The following MLXIP variants were observed in gnomAD, a reference collection of about 807,000 sequenced individuals.
MLXIP encodes the protein MLX-interacting protein.
A neutral mutation model predicts 87.2 loss-of-function variants in MLXIP; 30 were observed. The ratio of observed to expected loss-of-function variants is 0.34; its 90% CI spans 0.26 to 0.47. MLXIP has a LOEUF of 0.47. Ranked by LOEUF, MLXIP falls within the 20% of genes least tolerant of loss-of-function variation. The probability of loss-of-function intolerance (pLI) is 1.00; values close to 1 mark genes in which losing one functional copy is unlikely to be tolerated. For missense variants in MLXIP, 1,002 were observed against 1,240.1 expected, an observed-to-expected ratio of 0.81 and a Z score of 2.88; for synonymous variants, 530 against 514.0, an observed-to-expected ratio of 1.03 and a Z score of -0.42.
intron 9 of MLXIP, chr12:122,134,337 G>A: frequency 3.3e-6 from 1 of 299,376 alleles, no homozygotes; most frequent in Non-Finnish European, 6.2e-6. Flanking sequence ...TGGGATTACA[G>A]GTGTGCGCCA....
chr12:122,091,900 G>C (rs184310575), intron 1 of MLXIP, among the ~76,000 whole-genome samples: 3 of 152,298 alleles, frequency 2.0e-5, no homozygotes, highest in African/African-American at 7.2e-5. Flanking sequence ...AAAACTGGAG[G>C]AAATCTGGAT....
chr12:122,127,691 C>T (rs760231512), intron 2 of MLXIP, among the ~76,000 whole-genome samples, 192 bp from the exon 3 acceptor site: 7 of 152,162 alleles, frequency 4.6e-5, no homozygotes, highest in East Asian at 1.9e-4. Context: ...CTGACTGAGG[C>T]GTTCGTTATT....
Position 122,141,175 on chromosome 12 carries a change from GC to G in MLXIP, c.2638+93del. The G allele has an allele frequency of 4.8e-6, 7 of 1,471,342 alleles. No individual in the cohort carries two copies. In the South Asian group the frequency reaches 9.4e-5, roughly 20 times the overall value. The allele number at this position is 1,471,342 out of a possible 1,614,324, so 91.1% of individuals were successfully genotyped here. On this transcript the variant is annotated intron_variant, in intron 16 of 16. Transcript: ENST00000319080. ...AGGACAGTATTAGCCAGACTCCACT[GC>G]AGGCAGCCAGGTGGGGCCGGGGCAG... is the stretch of plus-strand genomic sequence containing the variant.
intron 1 of MLXIP, among the ~76,000 whole-genome samples, chr12:122,112,505 G>A (rs765105203): frequency 3.9e-5 from 6 of 152,092 alleles, no homozygotes; most frequent in Non-Finnish European, 7.4e-5. Context: ...ATAGCCGGAC[G>A]TGGTGGTGGC....
chr12:122,085,886 T>C (rs562624451), intron 1 of MLXIP, among the ~76,000 whole-genome samples: 2 of 152,288 alleles, frequency 1.3e-5, no homozygotes, highest in Non-Finnish European at 2.9e-5. Flanking sequence ...CTAGGTCATA[T>C]GGCAAAGGCG....
In MLXIP at chr12:122,133,569, TCCCAGC is replaced by T; in HGVS notation, c.1318_1323del (p.Ser440_Pro441del). On this transcript the variant is annotated inframe_deletion, in exon 9 of 17. Transcript: ENST00000319080. The surrounding 1 kb of genome is among the most constrained non-coding windows in gnomAD (Gnocchi z 4.9). ...CTGTCTTCACCATGCCCCTGCTGTCTCCCAGCCCCGCCCCACCGCCCATCTCCCCCG... is the reference window on the plus strand; with the variant it reads ...CTGTCTTCACCATGCCCCTGCTGTCTCCCGCCCCACCGCCCATCTCCCCCG... 6.2e-7 allele frequency: 1 copy of T among 1,604,226 alleles called. No individual in the cohort carries two copies. Among genetic ancestry groups the T allele is most frequent in the Non-Finnish European group, 8.5e-7 (1 of 1,175,760 alleles).
At chr12:122,089,251 G>A (rs181832277) in intron 1 of MLXIP, among the ~76,000 whole-genome samples, 1 of 152,286 alleles carries the variant, frequency 6.6e-6, no homozygotes, top group East Asian at 1.9e-4. Context: ...ATGGTAACCA[G>A]CCCGTTCACA....
rs900662793 is a variant in MLXIP at position 122,133,241 on chromosome 12, C to T, written c.1093-107C>T. 6.7e-6 allele frequency: 9 copies of T among 1,351,412 alleles called. No homozygotes were observed. Among genetic ancestry groups the T allele is most frequent in the Non-Finnish European group, 9.0e-6 (9 of 1,005,360 alleles). 83.7% of individuals were successfully genotyped at this position (1,351,412 alleles called of 1,614,324 possible). A position where few individuals can be genotyped will look rare whatever the true frequency, so the allele number is the denominator to read the frequency against. ...GGACGTGGAGACGTGGCCTTTGTCC[C>T]TCTGTCCCAGCGCCCGGCCTGTGTA... On this transcript the variant is annotated intron_variant, in intron 8 of 16. Transcript: ENST00000319080. This position sits in a 1 kb window ranked among gnomAD's most constrained non-coding sequence, Gnocchi z 4.9.
At chr12:122,129,730 G>A in intron 5 of MLXIP, 101 bp downstream of exon 5, 1 of 1,457,476 alleles carries the variant, frequency 6.9e-7, no homozygotes, top group Non-Finnish European at 9.4e-7. Context: ...CAGGCCATGG[G>A]CCCTCCCTGG....
At chr12:122,098,179 C>G (rs1322846386) in intron 1 of MLXIP, among the ~76,000 whole-genome samples, 1 of 152,186 alleles carries the variant, frequency 6.6e-6, no homozygotes, top group African/African-American at 2.4e-5. Context: ...ATGACTGACC[C>G]TGATTGGTAA....
intron 15 of MLXIP, 26 bp downstream of exon 15, chr12:122,138,964 T>C (rs776883350): frequency 1.2e-6 from 2 of 1,612,948 alleles, no homozygotes; most frequent in Non-Finnish European, 1.7e-6. Context: ...CTTTTTGCTC[T>C]TCCCGGCCCT....
At position 122,142,306 on chromosome 12, in the gene MLXIP, T is replaced by G; in HGVS notation, c.*494T>G. On this transcript the variant is annotated 3_prime_UTR_variant, in exon 17 of 17. Coordinates refer to ENST00000319080, the MANE Select transcript of MLXIP (RefSeq NM_014938.6). ...GGCAGTTGGAAGGCGTCTTTCTTTC[T>G]CCCCTCAACTCTGACAGCACCCAGC... The G allele has an allele frequency of 3.0e-6, 2 of 660,378 alleles. No homozygotes were observed. Among genetic ancestry groups the G allele is most frequent in the Non-Finnish European group, 5.6e-6 (2 of 357,962 alleles). The allele number at this position is 660,378 out of a possible 1,614,324, so 40.9% of individuals were successfully genotyped here. A position where few individuals can be genotyped will look rare whatever the true frequency, so the allele number is the denominator to read the frequency against.
chr12:122,135,661 G>T lies in MLXIP; in HGVS notation c.2027G>T (p.Gly676Val). 1 of 1,497,786 alleles carries T rather than the reference G, an allele frequency of 6.7e-7. No individual in the cohort carries two copies. Among genetic ancestry groups the T allele is most frequent in the Admixed American group, 2.3e-5 (1 of 42,782 alleles). The allele number at this position is 1,497,786 out of a possible 1,614,324, so 92.8% of individuals were successfully genotyped here. A position where few individuals can be genotyped will look rare whatever the true frequency, so the allele number is the denominator to read the frequency against. ...GGCAGCCCCCAGGTCACTGTCACAGGGCCCAGTGAGTGTTCACTCGGCGGG... is the reference window on the plus strand; with the variant it reads ...GGCAGCCCCCAGGTCACTGTCACAGTGCCCAGTGAGTGTTCACTCGGCGGG... ...HGGSPQVTVT[G>V]PSRDCPNSGQ... The change falls in exon 11 of 17, where the codon GGG becomes GTG. Residue 676 changes from glycine to valine, a missense_variant. By Grantham distance (109) the Gly-to-Val change is moderately radical (BLOSUM62 -3). Around this residue, in one of 3 missense-constraint regions of MLXIP, gnomAD observed 746 missense variants for 897.0 expected, o/e 0.83. Transcript: ENST00000319080. This position sits in a 1 kb window ranked among gnomAD's most constrained non-coding sequence, Gnocchi z 5.3.
chr12:122,133,655 C>G lies in MLXIP; in HGVS notation c.1400C>G (p.Thr467Ser). The G allele has an allele frequency of 6.2e-7, 1 of 1,613,552 alleles. No homozygotes were observed. The highest frequency in any genetic ancestry group is 8.5e-7 in the Non-Finnish European group (1 of 1,179,776). The part of the protein sequence containing the change: ...ATALNPPAPP[T>S]FHQPQKFAGV... ...GCCCTGAACCCCCCGGCTCCACCCACCTTCCATCAGCCACAGAAGTTTGCT... is the reference window on the plus strand; with the variant it reads ...GCCCTGAACCCCCCGGCTCCACCCAGCTTCCATCAGCCACAGAAGTTTGCT... The change falls in exon 9 of 17, where the codon ACC becomes AGC. Residue 467 changes from threonine to serine, a missense_variant. Physicochemically the swap from Thr to Ser is moderately conservative, Grantham distance 58. This residue lies in a region of MLXIP where 746 missense variants were observed against 897.0 expected (regional missense o/e 0.83). Coordinates refer to ENST00000319080, the MANE Select transcript of MLXIP (RefSeq NM_014938.6). The surrounding 1 kb of genome is among the most constrained non-coding windows in gnomAD (Gnocchi z 4.9).
chr12:122,107,931 G>T (rs2135936991), intron 1 of MLXIP, among the ~76,000 whole-genome samples: 1 of 152,252 alleles, frequency 6.6e-6, no homozygotes, highest in Middle Eastern at 3.4e-3. Flanking sequence ...GCCCTCTCTG[G>T]CTCTCCCCTG....
intron 1 of MLXIP, among the ~76,000 whole-genome samples, chr12:122,084,919 A>G (rs1384708007): frequency 6.6e-6 from 1 of 152,216 alleles, no homozygotes; most frequent in Non-Finnish European, 1.5e-5. Flanking sequence ...TCATTTTAAA[A>G]AATAAATAAG....
In MLXIP at chr12:122,138,854, T is replaced by C; in HGVS notation, c.2424T>C (p.Val808=). 2 of 1,614,054 alleles carry C rather than the reference T, an allele frequency of 1.2e-6. No individual in the cohort carries two copies. Among genetic ancestry groups the C allele is most frequent in the Non-Finnish European group, 1.7e-6 (2 of 1,179,896 alleles). Residue 808 remains valine, a synonymous_variant, in exon 15 of 17, where the codon GTT becomes GTC. Coordinates refer to ENST00000319080, the MANE Select transcript of MLXIP (RefSeq NM_014938.6). ...QQLLPATGVP[V]TRRQFDHMKD... is the part of the protein sequence containing the mutation. ...TGCTCCCTGCCACGGGAGTCCCCGT[T>C]ACCCGGCGCCAGTTTGATCACATGA...
intron 1 of MLXIP, among the ~76,000 whole-genome samples, chr12:122,085,971 G>A (rs1041854137): frequency 2.0e-5 from 3 of 152,306 alleles, no homozygotes; most frequent in African/African-American, 7.2e-5. Flanking sequence ...GATTATCTGA[G>A]TGAGCCTGGT....
chr12:122,142,167 G>A lies in MLXIP; in HGVS notation c.*355G>A. On this transcript the variant is annotated 3_prime_UTR_variant, in exon 17 of 17. Coordinates refer to ENST00000319080, the MANE Select transcript of MLXIP (RefSeq NM_014938.6). ...CGCCGGTGAGCGGAATCGATGGGATGAGGGTGACAGGGCCTGCTCCTGTCC... is the reference window on the plus strand; with the variant it reads ...CGCCGGTGAGCGGAATCGATGGGATAAGGGTGACAGGGCCTGCTCCTGTCC... 1 of 701,496 alleles carries A rather than the reference G, an allele frequency of 1.4e-6. No individual in the cohort carries two copies. The highest frequency in any genetic ancestry group is 2.6e-6 in the Non-Finnish European group (1 of 384,800). The allele number at this position is 701,496 out of a possible 1,614,324, so 43.5% of individuals were successfully genotyped here. A position where few individuals can be genotyped will look rare whatever the true frequency, so the allele number is the denominator to read the frequency against.
Sources: gnomAD v4.1 joint callset for allele counts (sites outside exome capture counted in the v4.1 genomes callset) on GRCh38, gnomAD v4.1.1 for gene constraint, gnomAD v4.1.1 regional missense constraint, Gnocchi (gnomAD v3.1) non-coding constraint, MANE v1.5 for transcripts, NCBI Gene and HGNC (gene_info 2026-07-23, HGNC 2026-07-21) for gene names.